The following ASIP variants were observed in gnomAD, a reference collection of about 807,000 sequenced individuals.
ASIP encodes the protein agouti signaling protein.
ASIP carries 11 observed loss-of-function variants against 10.3 expected under a neutral mutation model. The ratio of observed to expected loss-of-function variants is 1.07; its 90% CI spans 0.68 to 1.78. The LOEUF (loss-of-function observed/expected upper bound fraction) is 1.78. Ranked by LOEUF, ASIP falls within the 40% of genes most tolerant of loss-of-function variation. The pLI is 0.00. For missense variants in ASIP, 180 were observed against 169.2 expected (o/e 1.06, Z -0.35); for synonymous variants, 70 against 70.8 (o/e 0.99, Z 0.06).
At chr20:34,258,728 T>C (rs1376887704) in intron 1 of ASIP, among the ~76,000 whole-genome samples, 4 of 75,030 alleles carry the variant, frequency 5.3e-5, no homozygotes, top group Non-Finnish European at 1.0e-4. Context: ...TTATAAAATA[T>C]ATATAGTATA....
At chr20:34,215,155 C>T (rs1446649793) in intron 1 of ASIP, 2 of 1,595,192 alleles carry the variant, frequency 1.3e-6, no homozygotes, top group East Asian at 4.5e-5. Context: ...TTCAAATAAA[C>T]AGTCACATGC....
chr20:34,257,803 T>C (rs1181303861), intron 1 of ASIP, among the ~76,000 whole-genome samples: 1 of 152,190 alleles, frequency 6.6e-6, no homozygotes, highest in Admixed American at 6.5e-5. Flanking sequence ...TGAGAAATAT[T>C]ATTGGCACAT....
upstream of ASIP, among the ~76,000 whole-genome samples, chr20:34,238,769 C>A (rs1200823941): frequency 1.3e-5 from 2 of 152,014 alleles, no homozygotes; most frequent in Non-Finnish European, 1.5e-5. Context: ...AATGTGGTAA[C>A]TCTAGAAACC....
At position 34,215,052 on chromosome 20, in the gene ASIP, G is replaced by C. The variant is rs1025487749; in HGVS notation, c.-11+20292G>C. The C allele has an allele frequency of 1.9e-5, 29 of 1,521,382 alleles. No individual in the cohort carries two copies. The Admixed American group carries it at 2.2e-4, about 11-fold the overall frequency. The allele number at this position is 1,521,382 out of a possible 1,614,324, so 94.2% of individuals were successfully genotyped here. ...AAAAGAAGTCAACATCTTCTTCCTGGTCAATGCTGAAAAAGCCAGCAGACT... is the reference window on the plus strand; with the variant it reads ...AAAAGAAGTCAACATCTTCTTCCTGCTCAATGCTGAAAAAGCCAGCAGACT... On this transcript the variant is annotated intron_variant, in intron 1 of 3. Coordinates refer to the ASIP transcript ENST00000568305.
At chr20:34,254,737 G>T (rs146566911) in intron 1 of ASIP, among the ~76,000 whole-genome samples, 1 of 152,094 alleles carries the variant, frequency 6.6e-6, no homozygotes. Flanking sequence ...CGTTCACAAA[G>T]TTCTGAATTC....
intron 3 of ASIP, 71 bp from the exon 4 acceptor site, chr20:34,268,920 C>G: frequency 6.5e-7 from 1 of 1,526,950 alleles, no homozygotes. Context: ...GCCCGAGGAG[C>G]TCCCAGGCAG....
At chr20:34,264,203 TAGAA>T (rs1461249576) in intron 3 of ASIP, among the ~76,000 whole-genome samples, 12 of 152,024 alleles carry the variant, frequency 7.9e-5, no homozygotes, top group Non-Finnish European at 1.8e-4. Context: ...CCATTCAAAA[TAGAA>T]AGAAAATAAC....
At chr20:34,267,986 AG>A (rs2035818416) in intron 3 of ASIP, among the ~76,000 whole-genome samples, 1 of 152,232 alleles carries the variant, frequency 6.6e-6, no homozygotes, top group South Asian at 2.1e-4. Flanking sequence ...TCTGGTGCAT[AG>A]TTTACAGCAC....
At chr20:34,223,459 C>A (rs750683487) in intron 1 of ASIP, among the ~76,000 whole-genome samples, 4,687 of 151,638 alleles carry the variant, frequency 0.031, 44 homozygotes, top group Non-Finnish European at 0.044. Flanking sequence ...AAGTGAGGAG[C>A]GTCTCCGCCC....
intron 1 of ASIP, among the ~76,000 whole-genome samples, chr20:34,230,777 CCCG>C (rs1264827866): frequency 1.1e-4 from 5 of 44,540 alleles, no homozygotes; most frequent in Admixed American, 2.2e-4. Context: ...GGCTGACCCC[CCCG>C]CACCTCCCTC....
chr20:34,259,096 G>GC (rs2035643952), intron 1 of ASIP, among the ~76,000 whole-genome samples: 1 of 151,356 alleles, frequency 6.6e-6, no homozygotes, highest in South Asian at 2.1e-4. Flanking sequence ...TGTAGTGCCA[G>GC]CTACTCAGGA....
chr20:34,220,309 C>T (rs1389023778), intron 1 of ASIP, among the ~76,000 whole-genome samples: 1 of 151,310 alleles, frequency 6.6e-6, no homozygotes, highest in Admixed American at 6.6e-5. Context: ...TAAAAGTAAG[C>T]ACAGGGGCCG....
chr20:34,264,900 A>T (rs2035758807), intron 3 of ASIP, among the ~76,000 whole-genome samples: 2 of 146,492 alleles, frequency 1.4e-5, no homozygotes, highest in South Asian at 2.1e-4. Flanking sequence ...GGCTCAAGTG[A>T]TCCTCCTGCC....
intron 3 of ASIP, among the ~76,000 whole-genome samples, chr20:34,263,675 C>CT (rs575423408): frequency 1.0e-4 from 13 of 126,326 alleles, no homozygotes; most frequent in Non-Finnish European, 1.6e-4. Flanking sequence ...TTTTTTTTTT[C>CT]TTTTTTTTTG....
intron 1 of ASIP, among the ~76,000 whole-genome samples, chr20:34,233,504 A>G (rs905227405): frequency 6.6e-6 from 1 of 152,198 alleles, no homozygotes; most frequent in African/African-American, 2.4e-5. Context: ...CACAAAGACT[A>G]CATACTGTAG....
At chr20:34,246,139 T>C (rs2035370529) in intron 1 of ASIP, 1 of 968,500 alleles carries the variant, frequency 1.0e-6, no homozygotes, top group Non-Finnish European at 1.6e-6. Context: ...TTTCAAAAGT[T>C]GCAAGGCCAC....
At chr20:34,224,679 C>A (rs1318007423) in intron 1 of ASIP, among the ~76,000 whole-genome samples, 2 of 151,460 alleles carry the variant, frequency 1.3e-5, no homozygotes, top group Non-Finnish European at 3.0e-5. Context: ...CTCACCAGGA[C>A]TTCTGAGGCG....
At chr20:34,215,276 G>C in intron 1 of ASIP, 1 of 1,540,578 alleles carries the variant, frequency 6.5e-7, no homozygotes, top group East Asian at 2.2e-5. Flanking sequence ...ACTACTTCAA[G>C]GCACTGACAC....
chr20:34,261,006 T>C (rs150133367), intron 2 of ASIP, among the ~76,000 whole-genome samples: 1 of 152,308 alleles, frequency 6.6e-6, no homozygotes, highest in Non-Finnish European at 1.5e-5. Flanking sequence ...AGACATACTG[T>C]GTGGTAGGCA....
Sources: allele counts gnomAD v4.1 joint callset (sites outside exome capture counted in the v4.1 genomes callset), GRCh38; gene constraint gnomAD v4.1.1; transcripts MANE v1.5; gene names NCBI Gene and HGNC (gene_info 2026-07-23, HGNC 2026-07-21).